The following NPLOC4 variants were observed in gnomAD, a reference collection of about 807,000 sequenced individuals.
The protein encoded by NPLOC4 is nuclear protein localization protein 4 homolog.
Under a neutral mutation model 80.6 loss-of-function variants are expected in NPLOC4, and 18 were observed. The observed-to-expected ratio is 0.22, with a 90% CI of 0.15 to 0.33. The LOEUF (loss-of-function observed/expected upper bound fraction) is 0.33, where lower values mean the gene tolerates loss of function less well. Ranked by LOEUF, NPLOC4 falls within the 10% of genes least tolerant of loss-of-function variation. The pLI, the probability that NPLOC4 is intolerant of heterozygous loss-of-function variation, is 1.00. For synonymous variants in NPLOC4, 313 were observed against 301.5 expected, an observed-to-expected ratio of 1.04 and a Z score of -0.39; for missense variants, 540 against 786.1, an observed-to-expected ratio of 0.69 and a Z score of 3.74.
intron 12 of NPLOC4, among the ~76,000 whole-genome samples, chr17:81,579,001 G>A (rs2034370259): frequency 6.6e-6 from 1 of 152,208 alleles, no homozygotes; most frequent in African/African-American, 2.4e-5. Context: ...GCTCACTGCA[G>A]CCTCGAACTC....
chr17:81,584,929 G>A (rs1444210040), intron 12 of NPLOC4, among the ~76,000 whole-genome samples: 2 of 152,082 alleles, frequency 1.3e-5, no homozygotes, highest in Non-Finnish European at 1.5e-5. Context: ...CACTTTGGGA[G>A]GCCGAGGTGG....
chr17:81,568,914 C>T (rs532833242), intron 14 of NPLOC4, 102 bp downstream of exon 14: 11 of 793,508 alleles, frequency 1.4e-5, no homozygotes, highest in South Asian at 6.6e-5. Context: ...AAGAATGAAT[C>T]GGGAGCATTT....
chr17:81,573,956 T>C (rs2034225937), intron 12 of NPLOC4, among the ~76,000 whole-genome samples: 1 of 152,220 alleles, frequency 6.6e-6, no homozygotes. Flanking sequence ...CCAGTCAGGA[T>C]GGGCTTCCGC....
intron 3 of NPLOC4, 79 bp downstream of exon 3, chr17:81,622,085 GGA>G: frequency 1.1e-6 from 1 of 930,784 alleles, no homozygotes; most frequent in Non-Finnish European, 1.8e-6. Context: ...TGAGGAAAGA[GGA>G]TAAAACTCGG....
intron 4 of NPLOC4, among the ~76,000 whole-genome samples, chr17:81,611,358 C>A (rs1392612128): frequency 3.3e-5 from 5 of 149,470 alleles, no homozygotes; most frequent in Non-Finnish European, 5.9e-5. Context: ...TTTTTGTTTT[C>A]TTTTTTTCTG....
chr17:81,621,779 G>C lies in NPLOC4; in HGVS notation c.209+387C>G, dbSNP rs9899227. The stretch of plus-strand genomic sequence containing the variant: ...ATGACCAACTCTACAGGGTGGCATG[G>C]GCCACTGCAGTGGCAGCACTCCTAC... On this transcript the variant is annotated intron_variant, in intron 3 of 16. Transcript: ENST00000331134. 5.4e-3 allele frequency among the ~76,000 whole-genome samples: 818 copies of C among 152,176 alleles called. 12 individuals are homozygous for C. Among genetic ancestry groups the C allele is most frequent in the African/African-American group, 0.019 (788 of 41,506 alleles).
intron 1 of NPLOC4, among the ~76,000 whole-genome samples, chr17:81,630,467 A>T (rs910843367): frequency 4.6e-5 from 7 of 151,446 alleles, no homozygotes; most frequent in Non-Finnish European, 1.0e-4. Flanking sequence ...TTTTTTTTGT[A>T]GTGACGGAGT....
Position 81,613,630 on chromosome 17 carries a change from T to C in NPLOC4, c.210-136A>G, listed in dbSNP as rs190886822. ...ACAATGAGGTTTCTAACTTTTAAGA[T>C]GAGAATTCTCTTCTAACATCTCCCC... On this transcript the variant is annotated intron_variant, in intron 3 of 16. Transcript: ENST00000331134. 2.6e-5 allele frequency: 19 copies of C among 723,984 alleles called. No homozygotes were observed. In the African/African-American group the frequency reaches 2.7e-4, roughly 10 times the overall value. 44.8% of individuals were successfully genotyped at this position (723,984 alleles called of 1,614,324 possible). A position where few individuals can be genotyped will look rare whatever the true frequency, so the allele number is the denominator to read the frequency against.
intron 1 of NPLOC4, among the ~76,000 whole-genome samples, chr17:81,634,828 C>T (rs1350542015): frequency 1.3e-5 from 2 of 151,844 alleles, no homozygotes; most frequent in Admixed American, 6.6e-5. Context: ...CGTGATCCGC[C>T]CACCTCGGCC....
At chr17:81,615,637 C>T (rs892124635) in intron 3 of NPLOC4, among the ~76,000 whole-genome samples, 4 of 152,224 alleles carry the variant, frequency 2.6e-5, no homozygotes, top group African/African-American at 4.8e-5. Flanking sequence ...CAGTAATTCA[C>T]TCACAGCTTT....
intron 1 of NPLOC4, among the ~76,000 whole-genome samples, chr17:81,636,214 A>T (rs562610342): frequency 6.6e-6 from 1 of 152,118 alleles, no homozygotes; most frequent in East Asian, 1.9e-4. Flanking sequence ...CAGGTGATCC[A>T]CCCGCCTCGG....
At chr17:81,616,455 G>A (rs1235950355) in intron 3 of NPLOC4, among the ~76,000 whole-genome samples, 3 of 152,002 alleles carry the variant, frequency 2.0e-5, no homozygotes, top group African/African-American at 7.2e-5. Context: ...CATGGGCCAG[G>A]CACAGTGGCT....
At position 81,637,072 on chromosome 17, in the gene NPLOC4, G is replaced by A. The variant is rs900508283; in HGVS notation, c.-142C>T. On this transcript the variant is annotated 5_prime_UTR_variant, in exon 1 of 17. Coordinates refer to ENST00000331134, the MANE Select transcript of NPLOC4 (RefSeq NM_017921.4). Reference sequence around the variant, plus strand: ...ACCGCCGCTCCAGCTTCGCCCGCCCGGCTCCGCCAGCCGCCGACGTCCCGG... The same window carrying A: ...ACCGCCGCTCCAGCTTCGCCCGCCCAGCTCCGCCAGCCGCCGACGTCCCGG... 7.4e-6 allele frequency: 3 copies of A among 406,208 alleles called. No individual in the cohort carries two copies. In the East Asian group the frequency reaches 1.5e-4, roughly 21 times the overall value. 25.2% of individuals were successfully genotyped at this position (406,208 alleles called of 1,614,324 possible). A position where few individuals can be genotyped will look rare whatever the true frequency, so the allele number is the denominator to read the frequency against.
At chr17:81,630,172 C>T (rs1216475771) in intron 1 of NPLOC4, among the ~76,000 whole-genome samples, 2 of 142,484 alleles carry the variant, frequency 1.4e-5, no homozygotes, top group Non-Finnish European at 1.5e-5. Flanking sequence ...AAAGATGTTA[C>T]TTTGGGGAAA....
At chr17:81,618,549 C>T (rs1252646867) in intron 3 of NPLOC4, among the ~76,000 whole-genome samples, 1 of 80,036 alleles carries the variant, frequency 1.2e-5, no homozygotes, top group Non-Finnish European at 2.4e-5. Context: ...GGTCAGTGCC[C>T]CCGCCCGGCC....
At chr17:81,565,421 C>T in intron 16 of NPLOC4, 84 bp downstream of exon 16, 1 of 1,190,156 alleles carries the variant, frequency 8.4e-7, no homozygotes. Context: ...ATCCAGGGCA[C>T]CACCGGCAGT....
intron 9 of NPLOC4, among the ~76,000 whole-genome samples, chr17:81,598,741 C>T (rs758177771): frequency 1.6e-4 from 24 of 152,124 alleles, no homozygotes; most frequent in Admixed American, 3.3e-4. Flanking sequence ...AGTTGAGTCC[C>T]GGCAATTGTC....
chr17:81,595,743 T>A (rs2034892289), intron 11 of NPLOC4, among the ~76,000 whole-genome samples: 1 of 151,646 alleles, frequency 6.6e-6, no homozygotes, highest in South Asian at 2.1e-4. Flanking sequence ...GGGGTTTCGC[T>A]ATGTTGGCCA....
chr17:81,600,401 A>G lies in NPLOC4; in HGVS notation c.861T>C (p.Leu287=). The change falls in exon 9 of 17, where the codon CTT becomes CTC. Residue 287 remains leucine, a synonymous_variant. Coordinates refer to ENST00000331134, the MANE Select transcript of NPLOC4 (RefSeq NM_017921.4). The part of the protein sequence containing the change: ...PQIGTQNSLE[L]LEDPKAEVVD... Reference sequence around the variant, plus strand: ...CCACTTCAGCTTTTGGATCCTCAAGAAGCTCCAAGCTGTTCTGTGTACCAA... The same window carrying G: ...CCACTTCAGCTTTTGGATCCTCAAGGAGCTCCAAGCTGTTCTGTGTACCAA... 1.2e-6 allele frequency: 2 copies of G among 1,612,680 alleles called. No individual in the cohort carries two copies. Among genetic ancestry groups the G allele is most frequent in the Non-Finnish European group, 1.7e-6 (2 of 1,179,396 alleles).
Sources: allele counts gnomAD v4.1 joint callset (sites outside exome capture counted in the v4.1 genomes callset), GRCh38; gene constraint gnomAD v4.1.1; transcripts MANE v1.5; gene names NCBI Gene and HGNC (gene_info 2026-07-23, HGNC 2026-07-21).